TXNDC12: variants seen among roughly 807,000 people sequenced by gnomAD.
TXNDC12 encodes the protein thioredoxin domain-containing protein 12.
TXNDC12 carries 22 observed loss-of-function variants against 24.2 expected under a neutral mutation model. The ratio of observed to expected loss-of-function variants is 0.91; its 90% CI spans 0.65 to 1.30. The LOEUF (loss-of-function observed/expected upper bound fraction) is 1.30. TXNDC12 is among the 50% of genes most tolerant of loss of function. The pLI is 0.00. For synonymous variants in TXNDC12, 58 were observed against 73.4 expected (o/e 0.79, Z 1.07); for missense variants, 184 against 205.8 (o/e 0.89, Z 0.65).
chr1:52,043,770 G>A (rs555410593), intron 1 of TXNDC12, among the ~76,000 whole-genome samples: 2 of 152,330 alleles, frequency 1.3e-5, no homozygotes, highest in South Asian at 4.1e-4. Flanking sequence ...TGGCCAAGCT[G>A]AGATTTAAAT....
chr1:52,037,116 A>C (rs766648221), intron 2 of TXNDC12, among the ~76,000 whole-genome samples: 37 of 151,664 alleles, frequency 2.4e-4, no homozygotes, highest in Admixed American at 5.9e-4. Flanking sequence ...TGTTTTCTAG[A>C]GAGTACTGTG....
intron 2 of TXNDC12, among the ~76,000 whole-genome samples, chr1:52,039,305 A>C (rs1685943488): frequency 6.6e-6 from 1 of 151,938 alleles, no homozygotes; most frequent in Admixed American, 6.6e-5. Flanking sequence ...AAATACCAGG[A>C]AAAATATGCA....
intron 1 of TXNDC12, among the ~76,000 whole-genome samples, chr1:52,054,005 C>T (rs1032995458): frequency 2.0e-5 from 3 of 152,166 alleles, no homozygotes; most frequent in Non-Finnish European, 4.4e-5. Context: ...CTTGTCTGTC[C>T]TGTTTACAGC....
At position 52,023,238 on chromosome 1, in the gene TXNDC12, T is replaced by A. The variant is rs563784365; in HGVS notation, c.439+253A>T. 61 of 363,754 alleles carry A rather than the reference T, an allele frequency of 1.7e-4. No homozygotes were observed. The South Asian group carries it at 2.6e-3, about 15-fold the overall frequency. The allele number at this position is 363,754 out of a possible 1,614,324, so 22.5% of individuals were successfully genotyped here. On this transcript the variant is annotated intron_variant, in intron 6 of 6. Coordinates refer to ENST00000371626, the MANE Select transcript of TXNDC12 (RefSeq NM_015913.4). ...GCTCTGCTACTTAACTATGAAACTATGGGCAAGTGACTACCTCAGTCACTT... is the reference window on the plus strand; with the variant it reads ...GCTCTGCTACTTAACTATGAAACTAAGGGCAAGTGACTACCTCAGTCACTT...
intron 1 of TXNDC12, among the ~76,000 whole-genome samples, chr1:52,044,543 G>A (rs1686052356): frequency 6.6e-6 from 1 of 152,154 alleles, no homozygotes; most frequent in South Asian, 2.1e-4. Flanking sequence ...AAGAACACAA[G>A]CAACAAACAG....
intron 3 of TXNDC12, 22 bp from the exon 4 acceptor site, chr1:52,027,370 A>C (rs767622518): frequency 1.3e-6 from 2 of 1,561,638 alleles, no homozygotes. Flanking sequence ...AAGATTTTGG[A>C]ATAGAAGAAA....
chr1:52,047,814 T>C (rs1428374952), intron 1 of TXNDC12, among the ~76,000 whole-genome samples: 1 of 151,534 alleles, frequency 6.6e-6, no homozygotes, highest in Non-Finnish European at 1.5e-5. Context: ...AAGTGAAGAG[T>C]GGGTGATTGA....
At chr1:52,024,229 C>A (rs760771639) in intron 5 of TXNDC12, among the ~76,000 whole-genome samples, 2 of 152,106 alleles carry the variant, frequency 1.3e-5, no homozygotes, top group African/African-American at 2.4e-5. Flanking sequence ...TGGACTCAAG[C>A]AATTCACCCA....
At chr1:52,024,994 C>T (rs1685652452) in intron 4 of TXNDC12, among the ~76,000 whole-genome samples, 1 of 152,218 alleles carries the variant, frequency 6.6e-6, no homozygotes, top group African/African-American at 2.4e-5. Context: ...CTAGCATTTA[C>T]CACCATCTGA....
intron 3 of TXNDC12, among the ~76,000 whole-genome samples, chr1:52,028,072 G>C (rs1474022564): frequency 2.6e-5 from 4 of 151,858 alleles, no homozygotes; most frequent in Non-Finnish European, 4.4e-5. Context: ...TGATCTGCCC[G>C]GCCCAGCCTC....
rs896312055 is a variant in TXNDC12 at position 52,032,608 on chromosome 1, T to A, written c.159-3978A>T. The stretch of plus-strand genomic sequence containing the variant: ...CAGCTCTAGTACAGTACTGCATCGA[T>A]ATGCTCTGGAGACCTGCAGCCTATT... On this transcript the variant is annotated intron_variant, in intron 2 of 6. Transcript: ENST00000371626. 2.7e-6 allele frequency: 4 copies of A among 1,508,904 alleles called. No homozygotes were observed. In the African/African-American group the frequency reaches 5.6e-5, roughly 21 times the overall value. 93.5% of individuals were successfully genotyped at this position (1,508,904 alleles called of 1,614,324 possible). A position where few individuals can be genotyped will look rare whatever the true frequency, so the allele number is the denominator to read the frequency against.
Position 52,020,872 on chromosome 1 carries a change from C to T in TXNDC12, c.*61G>A. 4 of 1,404,470 alleles carry T rather than the reference C, an allele frequency of 2.8e-6. No individual in the cohort carries two copies. In the South Asian group the frequency reaches 4.7e-5, roughly 16 times the overall value. The allele number at this position is 1,404,470 out of a possible 1,614,324, so 87.0% of individuals were successfully genotyped here. ...TTGTTCTAGATGATTCCTCAATATT[C>T]CCTTCCCTGCTGCTTTCCTTCCAGA... On this transcript the variant is annotated 3_prime_UTR_variant, in exon 7 of 7. Coordinates refer to ENST00000371626, the MANE Select transcript of TXNDC12 (RefSeq NM_015913.4).
chr1:52,055,254 G>C (rs1686316942), upstream of TXNDC12: 3 of 610,890 alleles, frequency 4.9e-6, no homozygotes, highest in African/African-American at 1.9e-5. Context: ...ACGGATGTGG[G>C]TGGTGCCTCC....
rs767526585 is a variant in TXNDC12 at position 52,055,118 on chromosome 1, CGG to C, written c.-24_-23del. 4.4e-6 allele frequency: 7 copies of C among 1,577,784 alleles called. No homozygotes were observed. Among genetic ancestry groups the C allele is most frequent in the African/African-American group, 1.3e-5 (1 of 74,166 alleles). ...CCATGGCAGTAGGTGCGCGGGGCCA[CGG>C]GGCTGAGCGGACGCAGGGCCGGAGT... On this transcript the variant is annotated 5_prime_UTR_variant, in exon 1 of 7. Transcript: ENST00000371626.
chr1:52,051,639 A>G (rs947172718), intron 1 of TXNDC12: 1 of 159,944 alleles, frequency 6.3e-6, no homozygotes, highest in Non-Finnish European at 1.5e-5. Flanking sequence ...TCAGCCTCCC[A>G]AAGTGCTGGG....
intron 1 of TXNDC12, among the ~76,000 whole-genome samples, chr1:52,051,532 C>CGTGG (rs974617930): frequency 1.2e-4 from 18 of 151,966 alleles, no homozygotes; most frequent in African/African-American, 4.1e-4. Flanking sequence ...TGTGCCACCA[C>CGTGG]GCCTGGCTAA....
At chr1:52,043,316 T>C (rs2124385223) in intron 1 of TXNDC12, among the ~76,000 whole-genome samples, 1 of 152,386 alleles carries the variant, frequency 6.6e-6, no homozygotes, top group Non-Finnish European at 1.5e-5. Flanking sequence ...TTCCTCTCTG[T>C]TTCCTTAGCA....
intron 5 of TXNDC12, 120 bp downstream of exon 5, chr1:52,024,390 A>C: frequency 1.3e-6 from 1 of 769,628 alleles, no homozygotes; most frequent in South Asian, 1.7e-5. Flanking sequence ...TCTCTCTTGA[A>C]ACTGGTTTTT....
chr1:52,020,806 C>A lies in TXNDC12; in HGVS notation c.*127G>T. ...GAACTCTTCCACAGTGAGAGCGCTC[C>A]TTCCAGTGTAGGTAGGAATGAGGTT... On this transcript the variant is annotated 3_prime_UTR_variant, in exon 7 of 7. Transcript: ENST00000371626. 1 of 714,542 alleles carries A rather than the reference C, an allele frequency of 1.4e-6. No homozygotes were observed. The highest frequency in any genetic ancestry group is 2.3e-6 in the Non-Finnish European group (1 of 425,838). 44.3% of individuals were successfully genotyped at this position (714,542 alleles called of 1,614,324 possible).
Sources: gnomAD v4.1 joint callset for allele counts (sites outside exome capture counted in the v4.1 genomes callset) on GRCh38, gnomAD v4.1.1 for gene constraint, MANE v1.5 for transcripts, NCBI Gene and HGNC (gene_info 2026-07-23, HGNC 2026-07-21) for gene names.